The following RP1 variants were observed in gnomAD, a reference collection of about 807,000 sequenced individuals.
RP1 encodes oxygen-regulated protein 1.
A neutral mutation model predicts 14.8 loss-of-function variants in RP1; 16 were observed. That is an observed-to-expected ratio of 1.08 (90% confidence interval 0.73 to 1.65). The LOEUF is 1.65. Ranked by LOEUF, RP1 falls within the 40% of genes most tolerant of loss-of-function variation. RP1 has a pLI of 0.00. For missense variants in RP1, 2,631 were observed against 2,535.0 expected, an observed-to-expected ratio of 1.04 and a Z score of -0.81; for synonymous variants, 876 against 883.6, an observed-to-expected ratio of 0.99 and a Z score of 0.15.
At chr8:54,647,143 G>A (rs1806567847) in intron 3 of RP1, among the ~76,000 whole-genome samples, 1 of 152,128 alleles carries the variant, frequency 6.6e-6, no homozygotes, top group African/African-American at 2.4e-5. Flanking sequence ...AGGTGCAGTG[G>A]CTCATGCCTG....
At chr8:54,754,692 A>G in intron 19 of RP1, 8 of 1,086,890 alleles carry the variant, frequency 7.4e-6, no homozygotes, top group Non-Finnish European at 9.7e-6. Context: ...CGCTATCACC[A>G]TCATCAGAGT....
At position 54,625,866 on chromosome 8, in the gene RP1, A is replaced by G. The variant is rs1252215577; in HGVS notation, c.1984A>G (p.Lys662Glu). ...CGLTKLPKNE[K>E]KILSSVASKK... ...TTTAACAAAACTTCCAAAAAATGAA[A>G]AGAAGATTTTGTCATCTGTTGCCAG... is the stretch of plus-strand genomic sequence containing the variant. The change falls in exon 4 of 4, where the codon AAG becomes GAG. Residue 662 changes from lysine to glutamate, a missense_variant. Transcript: ENST00000220676. 12 of 1,613,686 alleles carry G rather than the reference A, an allele frequency of 7.4e-6. No homozygotes were observed. Among genetic ancestry groups the G allele is most frequent in the Non-Finnish European group, 1.0e-5 (12 of 1,179,958 alleles).
chr8:54,734,088 T>C (rs1808855782), intron 17 of RP1, among the ~76,000 whole-genome samples: 1 of 152,184 alleles, frequency 6.6e-6, no homozygotes, highest in Non-Finnish European at 1.5e-5. Context: ...TTTTCAGAAA[T>C]ATTTCAGAAA....
intron 7 of RP1, among the ~76,000 whole-genome samples, chr8:54,671,131 T>C (rs1201918963): frequency 6.6e-6 from 1 of 152,052 alleles, no homozygotes; most frequent in Non-Finnish European, 1.5e-5. Context: ...TGAGAGGTTT[T>C]TTTCTTTTAA....
intron 3 of RP1, 113 bp from the exon 4 acceptor site, chr8:54,624,557 T>G: frequency 1.0e-6 from 1 of 990,774 alleles, no homozygotes. Context: ...ATACTAATCA[T>G]TTCCCCTTTT....
chr8:54,830,335 G>C (rs1461032330), intron 24 of RP1, among the ~76,000 whole-genome samples: 2 of 151,472 alleles, frequency 1.3e-5, no homozygotes, highest in African/African-American at 4.9e-5. Context: ...ACAATGTGCA[G>C]GTTTGTTACA....
intron 1 of RP1, among the ~76,000 whole-genome samples, chr8:54,603,013 T>C (rs943929062): frequency 2.0e-5 from 3 of 152,212 alleles, no homozygotes; most frequent in Non-Finnish European, 4.4e-5. Flanking sequence ...TGGTAGTTTC[T>C]TCTGCTGTGT....
In RP1 at chr8:54,628,487, A is replaced by G; in HGVS notation, c.4605A>G (p.Pro1535=). 1 of 1,613,778 alleles carries G rather than the reference A, an allele frequency of 6.2e-7. No homozygotes were observed. Among genetic ancestry groups the G allele is most frequent in the South Asian group, 1.1e-5 (1 of 91,004 alleles). The change falls in exon 4 of 4, where the codon CCA becomes CCG. Residue 1535 remains proline, a synonymous_variant. Transcript: ENST00000220676. Reference sequence around the variant, plus strand: ...TAATCAGTAAGAGGCTGGCAACACCACCATCTTTAGATTTTTGCTATGATT... The same window carrying G: ...TAATCAGTAAGAGGCTGGCAACACCGCCATCTTTAGATTTTTGCTATGATT... ...YEIISKRLAT[P]PSLDFCYDSK...
chr8:54,758,856 C>A, intron 21 of RP1: 4 of 1,464,048 alleles, frequency 2.7e-6, no homozygotes, highest in Admixed American at 2.0e-5. Flanking sequence ...ATTATTATTG[C>A]CTGCATTTGT....
At chr8:54,717,226 A>G (rs1808425227) in intron 15 of RP1, among the ~76,000 whole-genome samples, 1 of 152,224 alleles carries the variant, frequency 6.6e-6, no homozygotes, top group East Asian at 1.9e-4. Context: ...CACCTTTTTA[A>G]ATCTTAATTT....
intron 13 of RP1, chr8:54,699,618 G>A: frequency 3.3e-6 from 3 of 909,294 alleles, no homozygotes; most frequent in Non-Finnish European, 4.5e-6. Flanking sequence ...TATTATGTCT[G>A]TATATTTTTT....
chr8:54,615,348 C>T (rs1012611602), upstream of RP1, among the ~76,000 whole-genome samples: 1 of 152,164 alleles, frequency 6.6e-6, no homozygotes, highest in Non-Finnish European at 1.5e-5. Context: ...CCAGAGGACC[C>T]CTTACCTTGT....
chr8:54,685,738 C>T (rs1249546846), intron 12 of RP1, among the ~76,000 whole-genome samples: 1 of 152,134 alleles, frequency 6.6e-6, no homozygotes, highest in African/African-American at 2.4e-5. Flanking sequence ...GACAATTCTT[C>T]CAATGTGGCC....
chr8:54,781,608 T>G (rs1381578029), intron 23 of RP1, among the ~76,000 whole-genome samples: 2 of 152,200 alleles, frequency 1.3e-5, no homozygotes, highest in Non-Finnish European at 2.9e-5. Context: ...AACTTTTAAT[T>G]TAAATATAAA....
intron 25 of RP1, among the ~76,000 whole-genome samples, chr8:54,842,878 G>A (rs1232287898): frequency 2.6e-5 from 4 of 152,010 alleles, no homozygotes; most frequent in African/African-American, 7.2e-5. Flanking sequence ...TTTCTGTCCC[G>A]TCTTCTACCA....
intron 18 of RP1, among the ~76,000 whole-genome samples, chr8:54,738,540 T>C (rs1391823816): frequency 1.3e-5 from 2 of 152,146 alleles, no homozygotes; most frequent in East Asian, 3.8e-4. Flanking sequence ...CTTGTAGAAA[T>C]CACCATATTT....
chr8:54,628,930 CT>C lies in RP1; in HGVS notation c.5049del (p.Glu1684AsnfsTer26). 1 of 1,614,020 alleles carries C rather than the reference CT, an allele frequency of 6.2e-7. No individual in the cohort carries two copies. Among genetic ancestry groups the C allele is most frequent in the South Asian group, 1.1e-5 (1 of 91,070 alleles). On this transcript the variant is annotated frameshift_variant, in exon 4 of 4. Coordinates refer to ENST00000220676, the MANE Select transcript of RP1 (RefSeq NM_006269.2). LOFTEE classifies it low-confidence loss of function (END_TRUNC). ...TCTGAAGGGCAGTCATTTGGCTCTT[CT>C]GAACAGGTATCTAGTAGTTCATCTA... ...YDSEGQSFGS[S>X]EQVSSSSSML...
chr8:54,869,566 T>C (rs1056023639), intron 28 of RP1, among the ~76,000 whole-genome samples: 6 of 152,192 alleles, frequency 3.9e-5, no homozygotes, highest in Non-Finnish European at 7.3e-5. Flanking sequence ...ATTTTGACTA[T>C]GTTAGAATAT....
At chr8:54,830,102 A>G (rs958436067) in intron 24 of RP1, among the ~76,000 whole-genome samples, 1 of 152,178 alleles carries the variant, frequency 6.6e-6, no homozygotes, top group Non-Finnish European at 1.5e-5. Context: ...TTTTGTAAAT[A>G]TCTATCAATT....
Sources: allele counts gnomAD v4.1 joint callset (sites outside exome capture counted in the v4.1 genomes callset), GRCh38; gene constraint gnomAD v4.1.1; transcripts MANE v1.5; gene names NCBI Gene and HGNC (gene_info 2026-07-23, HGNC 2026-07-21).